Variants in KMT2C observed in about 807,000 individuals in gnomAD.
KMT2C encodes the protein histone-lysine N-methyltransferase 2C.
A neutral mutation model predicts 507.9 loss-of-function variants in KMT2C; 88 were observed. The ratio of observed to expected loss-of-function variants is 0.17; its 90% CI spans 0.15 to 0.21. The LOEUF (loss-of-function observed/expected upper bound fraction) is 0.21, where lower values mean the gene tolerates loss of function less well. Among genes scored for constraint, KMT2C ranks in the 10% least tolerant of loss-of-function variants. The pLI is 1.00. For missense variants in KMT2C, 4,954 were observed against 5,957.8 expected, an observed-to-expected ratio of 0.83 and a Z score of 5.55; for synonymous variants, 2,049 against 2,080.8, an observed-to-expected ratio of 0.98 and a Z score of 0.42.
At chr7:152,340,767 C>T (rs1393203036) in intron 2 of KMT2C, among the ~76,000 whole-genome samples, 1 of 152,028 alleles carries the variant, frequency 6.6e-6, no homozygotes, top group Non-Finnish European at 1.5e-5. Flanking sequence ...ATATACATTA[C>T]TGTTATAATA....
At chr7:152,228,517 A>G (rs1327036823) in intron 18 of KMT2C, among the ~76,000 whole-genome samples, 5 of 152,230 alleles carry the variant, frequency 3.3e-5, no homozygotes, top group Non-Finnish European at 7.3e-5. Flanking sequence ...AAAAGGAACC[A>G]TACATAATTT....
At chr7:152,236,111 C>T (rs1399616259) in intron 15 of KMT2C, among the ~76,000 whole-genome samples, 178 bp from the exon 16 acceptor site, 3 of 152,266 alleles carry the variant, frequency 2.0e-5, no homozygotes, top group Admixed American at 6.5e-5. Context: ...ACTTAAAAAT[C>T]TAAATATAAA....
chr7:152,307,243 AAGGAAGGACGGT>A (rs1246870682), intron 6 of KMT2C, among the ~76,000 whole-genome samples: 3 of 128,532 alleles, frequency 2.3e-5, no homozygotes, highest in Admixed American at 1.5e-4. Context: ...GGAAGGAAGG[AAGGAAGGACGGT>A]AGGAAGGAAG....
chr7:152,325,632 C>G (rs2096821414), intron 3 of KMT2C, among the ~76,000 whole-genome samples: 2 of 151,782 alleles, frequency 1.3e-5, no homozygotes, highest in African/African-American at 4.8e-5. Flanking sequence ...TTTGTAGAGA[C>G]AGGGCTTTGT....
At chr7:152,251,658 T>C (rs2095563978) in intron 11 of KMT2C, among the ~76,000 whole-genome samples, 2 of 151,956 alleles carry the variant, frequency 1.3e-5, no homozygotes, top group Admixed American at 1.3e-4. Context: ...ACCCAAAGAC[T>C]GGGGAACTTC....
intron 7 of KMT2C, 31 bp from the exon 8 acceptor site, chr7:152,265,240 T>G (rs753707518): frequency 6.2e-7 from 1 of 1,609,236 alleles, no homozygotes; most frequent in Admixed American, 1.7e-5. Flanking sequence ...ATGAAATTGT[T>G]GTATAAGAAT....
intron 18 of KMT2C, among the ~76,000 whole-genome samples, chr7:152,227,053 T>A (rs1384363053): frequency 6.6e-6 from 1 of 152,198 alleles, no homozygotes; most frequent in African/African-American, 2.4e-5. Flanking sequence ...CTCAAGTTTC[T>A]CAGCTTATAT....
chr7:152,276,002 C>A lies in KMT2C; in HGVS notation c.850-2135G>T, dbSNP rs368797774. On this transcript the variant is annotated intron_variant, in intron 6 of 58. Coordinates refer to ENST00000262189, the MANE Select transcript of KMT2C (RefSeq NM_170606.3). ...CAATGTCTTTCTCATTTTAGAAACACCAATATGTTCTCTTAATCATATCTG... is the reference window on the plus strand; with the variant it reads ...CAATGTCTTTCTCATTTTAGAAACAACAATATGTTCTCTTAATCATATCTG... Among the ~76,000 whole-genome samples the A allele has an allele frequency of 7.8e-3, 1,185 of 152,144 alleles. 20 individuals are homozygous for A. The highest frequency in any genetic ancestry group is 0.028 in the African/African-American group (1,144 of 41,526).
At chr7:152,200,996 A>G (rs2094119172) in intron 26 of KMT2C, among the ~76,000 whole-genome samples, 1 of 152,278 alleles carries the variant, frequency 6.6e-6, no homozygotes, top group East Asian at 1.9e-4. Context: ...ATAATAAGCA[A>G]TGCTTTTATC....
chr7:152,413,834 G>A lies in KMT2C; in HGVS notation c.161+21792C>T, dbSNP rs560057445. ...CAGGAGGCGGAGGTTGCAGTGAGCC[G>A]AGATCGCACCACTGCACTCCAGTCC... On this transcript the variant is annotated intron_variant, in intron 1 of 58. Transcript: ENST00000262189. Among the ~76,000 whole-genome samples the A allele has an allele frequency of 7.4e-3, 1,012 of 136,742 alleles. 9 individuals carry two copies. The highest frequency in any genetic ancestry group is 0.028 in the African/African-American group (970 of 34,380). 89.7% of individuals were successfully genotyped at this position (136,742 alleles called of 152,430 possible).
rs368866050 is a variant in KMT2C, at chr7:152,136,875, G to A, written c.14693C>T (p.Pro4898Leu). 5.0e-6 allele frequency: 8 copies of A among 1,613,432 alleles called. No individual in the cohort carries two copies. Among genetic ancestry groups the A allele is most frequent in the African/African-American group, 1.3e-5 (1 of 74,924 alleles). ...FDFEDDQHKI[P>L]CHCGAVNCRK... ...GCAGTTCACAGCTCCACAGTGACAC[G>A]GAATCTTGTGCTGGTCATCTTCAAA... The change falls in exon 59 of 59, where the codon CCG becomes CTG. Residue 4898 changes from proline (P) to leucine (L), a missense_variant. By Grantham distance (98) the Pro-to-Leu change is moderately conservative. Coordinates refer to ENST00000262189, the MANE Select transcript of KMT2C (RefSeq NM_170606.3).
chr7:152,426,230 G>GTTTT (rs10709636), intron 1 of KMT2C, among the ~76,000 whole-genome samples: 9 of 94,556 alleles, frequency 9.5e-5, no homozygotes, highest in Non-Finnish European at 1.2e-4. Context: ...TTATGTCATA[G>GTTTT]TTTTTTTTTT....
intron 13 of KMT2C, among the ~76,000 whole-genome samples, 177 bp downstream of exon 13, chr7:152,249,699 A>AAAAAAAAAAAAAG (rs68046307): frequency 6.7e-6 from 1 of 148,446 alleles, no homozygotes; most frequent in African/African-American, 2.5e-5. Flanking sequence ...AAAAAAAAAA[A>AAAAAAAAAAAAAG]CCTTTCAAGA....
chr7:152,211,806 T>C (rs1287212714), intron 23 of KMT2C, among the ~76,000 whole-genome samples: 4 of 152,058 alleles, frequency 2.6e-5, no homozygotes, highest in Non-Finnish European at 5.9e-5. Flanking sequence ...CCCAGCACCT[T>C]GGGAGGCTGA....
At chr7:152,369,241 T>A (rs1184069785) in intron 1 of KMT2C, among the ~76,000 whole-genome samples, 17 of 151,568 alleles carry the variant, frequency 1.1e-4, no homozygotes, top group Admixed American at 1.1e-3. Flanking sequence ...GAGAATCACT[T>A]GAACCTGGGA....
At chr7:152,179,379 C>T (rs546232418) in intron 37 of KMT2C, among the ~76,000 whole-genome samples, 73 of 152,288 alleles carry the variant, frequency 4.8e-4, no homozygotes, top group Non-Finnish European at 9.0e-4. Context: ...GCTTTGCCTA[C>T]GCAGAATAGC....
chr7:152,143,662 A>G (rs1254968350), intron 55 of KMT2C, among the ~76,000 whole-genome samples: 1 of 152,252 alleles, frequency 6.6e-6, no homozygotes, highest in African/African-American at 2.4e-5. Context: ...ACGGAAGGTC[A>G]CGATGCTCCA....
At chr7:152,244,596 A>G (rs1477906037) in intron 14 of KMT2C, among the ~76,000 whole-genome samples, 2 of 152,256 alleles carry the variant, frequency 1.3e-5, no homozygotes, top group African/African-American at 4.8e-5. Context: ...TCAATAAAAG[A>G]TGAGAAAATA....
chr7:152,274,952 G>C (rs1448896310), intron 6 of KMT2C, among the ~76,000 whole-genome samples: 1 of 152,092 alleles, frequency 6.6e-6, no homozygotes, highest in African/African-American at 2.4e-5. Context: ...GATCTTTTTT[G>C]TGAGTGTGGC....
Sources: gnomAD v4.1 joint callset for allele counts (sites outside exome capture counted in the v4.1 genomes callset) on GRCh38, gnomAD v4.1.1 for gene constraint, MANE v1.5 for transcripts, NCBI Gene and HGNC (gene_info 2026-07-23, HGNC 2026-07-21) for gene names.